SKAP1: variants seen among roughly 807,000 people sequenced by gnomAD.
SKAP1 encodes src kinase-associated phosphoprotein 1.
SKAP1 carries 44 observed loss-of-function variants against 58.5 expected under a neutral mutation model. The observed-to-expected ratio is 0.75, with a 90% confidence interval of 0.59 to 0.97. SKAP1 has a LOEUF of 0.97. Among genes scored for constraint, SKAP1 ranks in the 50% least tolerant of loss-of-function variants. SKAP1 has a pLI of 0.00. For missense variants in SKAP1, 390 were observed against 435.2 expected (o/e 0.90, Z 0.92); for synonymous variants, 127 against 149.7 (o/e 0.85, Z 1.11).
intron 4 of SKAP1, among the ~76,000 whole-genome samples, chr17:48,213,073 G>A (rs2064893564): frequency 6.6e-6 from 1 of 152,160 alleles, no homozygotes; most frequent in South Asian, 2.1e-4. Context: ...CGGGCTCAGT[G>A]GCTCATGCCT....
intron 1 of SKAP1, among the ~76,000 whole-genome samples, chr17:48,405,744 C>T (rs923982581): frequency 4.0e-5 from 6 of 151,566 alleles, no homozygotes; most frequent in Admixed American, 1.3e-4. Context: ...GTTATCCGTC[C>T]GTCTCGGTTT....
Position 48,418,608 on chromosome 17 carries a change from G to C in SKAP1, c.46+11467C>G, listed in dbSNP as rs576843113. On this transcript the variant is annotated intron_variant, in intron 1 of 12. Coordinates refer to ENST00000336915, the MANE Select transcript of SKAP1 (RefSeq NM_003726.4). The stretch of plus-strand genomic sequence containing the variant: ...TCCACTCCTAGATATATTTATCCAA[G>C]ATAAATGAGTGCTTATGTTCACAAA... Among the ~76,000 whole-genome samples the C allele has an allele frequency of 3.9e-5, 6 of 152,194 alleles. No homozygotes were observed. In the South Asian group the frequency reaches 1.2e-3, roughly 32 times the overall value.
intron 4 of SKAP1, among the ~76,000 whole-genome samples, chr17:48,338,444 G>A (rs1246551089): frequency 2.0e-5 from 3 of 152,084 alleles, no homozygotes; most frequent in South Asian, 2.1e-4. Context: ...GAGTCACCGC[G>A]CCTGACCACT....
At chr17:48,271,907 G>A (rs1027132172) in intron 4 of SKAP1, among the ~76,000 whole-genome samples, 6 of 151,772 alleles carry the variant, frequency 4.0e-5, no homozygotes, top group Non-Finnish European at 7.4e-5. Flanking sequence ...ATCAATTTAT[G>A]TTTTGACTTC....
At position 48,300,494 on chromosome 17, in the gene SKAP1, G is replaced by T. The variant is rs533195580; in HGVS notation, c.280+45411C>A. On this transcript the variant is annotated intron_variant, in intron 4 of 12. Transcript: ENST00000336915. Reference sequence around the variant, plus strand: ...GATACTTCTTCAGGACTGGGTCCTGGTGTCAAAGGGATAGACAGCTCAGTG... The same window carrying T: ...GATACTTCTTCAGGACTGGGTCCTGTTGTCAAAGGGATAGACAGCTCAGTG... Among the ~76,000 whole-genome samples the T allele has an allele frequency of 2.6e-5, 4 of 152,192 alleles. No homozygotes were observed. In the South Asian group the frequency reaches 8.3e-4, roughly 32 times the overall value.
chr17:48,400,187 C>T (rs1221409718), intron 1 of SKAP1, among the ~76,000 whole-genome samples: 2 of 151,012 alleles, frequency 1.3e-5, no homozygotes, highest in Non-Finnish European at 2.9e-5. Flanking sequence ...CAACCTCTGG[C>T]TCCTGGGTTC....
intron 4 of SKAP1, among the ~76,000 whole-genome samples, chr17:48,279,846 C>A (rs189398633): frequency 7.9e-5 from 12 of 152,288 alleles, no homozygotes; most frequent in Admixed American, 2.0e-4. Flanking sequence ...GGCCAGCTTC[C>A]ATTTTCCCTA....
intron 2 of SKAP1, among the ~76,000 whole-genome samples, chr17:48,380,991 A>G (rs376144361): frequency 6.6e-6 from 1 of 152,338 alleles, no homozygotes; most frequent in East Asian, 1.9e-4. Flanking sequence ...TTCCTTATTT[A>G]CAGTGCTTTG....
chr17:48,204,985 C>CTTTTCTTTTCT (rs1246678466), intron 4 of SKAP1, among the ~76,000 whole-genome samples: 22 of 53,386 alleles, frequency 4.1e-4, no homozygotes, highest in African/African-American at 1.5e-3. Context: ...TTCTTTCTTT[C>CTTTTCTTTTCT]TTTCTTTCTT....
intron 9 of SKAP1, among the ~76,000 whole-genome samples, chr17:48,178,351 T>G (rs2064319671): frequency 6.6e-6 from 1 of 152,004 alleles, no homozygotes; most frequent in Non-Finnish European, 1.5e-5. Flanking sequence ...CTTCCACAGT[T>G]GTAACCCAAA....
chr17:48,317,981 T>C (rs2066311136), intron 4 of SKAP1, among the ~76,000 whole-genome samples: 2 of 152,046 alleles, frequency 1.3e-5, no homozygotes, highest in Admixed American at 6.6e-5. Context: ...ATCAATAAAA[T>C]GAAAAGATTT....
chr17:48,360,069 T>C (rs997302212), intron 3 of SKAP1, among the ~76,000 whole-genome samples: 2 of 152,206 alleles, frequency 1.3e-5, no homozygotes, highest in Non-Finnish European at 2.9e-5. Context: ...ACTCAAAGAA[T>C]CTTTAAGTTG....
intron 4 of SKAP1, among the ~76,000 whole-genome samples, chr17:48,319,668 C>T (rs373068212): frequency 4.0e-4 from 61 of 152,216 alleles, no homozygotes; most frequent in African/African-American, 1.4e-3. Flanking sequence ...ATGGTGAAAC[C>T]CCATTTCTTC....
At chr17:48,324,038 T>C (rs7214589) in intron 4 of SKAP1, among the ~76,000 whole-genome samples, 50,999 of 151,902 alleles carry the variant, frequency 0.34, 9,446 homozygotes, top group African/African-American at 0.47. Context: ...CTAGCATGCT[T>C]ATTTGAAAAA....
chr17:48,430,675 G>A (rs1427328578), upstream of SKAP1, among the ~76,000 whole-genome samples: 1 of 152,210 alleles, frequency 6.6e-6, no homozygotes, highest in Non-Finnish European at 1.5e-5. Flanking sequence ...AAGCCACAAT[G>A]TTGAAAGGAA....
intron 4 of SKAP1, among the ~76,000 whole-genome samples, chr17:48,339,573 A>G (rs2066619588): frequency 6.6e-6 from 1 of 152,138 alleles, no homozygotes; most frequent in African/African-American, 2.4e-5. Context: ...AATACTATGT[A>G]TTATTGGTGC....
intron 2 of SKAP1, among the ~76,000 whole-genome samples, chr17:48,371,840 A>T (rs2067091670): frequency 6.6e-6 from 1 of 151,578 alleles, no homozygotes; most frequent in South Asian, 2.1e-4. Context: ...CTGTCTCAAA[A>T]AAAAAAAGAA....
intron 11 of SKAP1, among the ~76,000 whole-genome samples, chr17:48,154,516 T>C (rs2063946518): frequency 6.6e-6 from 1 of 152,110 alleles, no homozygotes; most frequent in Admixed American, 6.5e-5. Context: ...TCCATGGAAA[T>C]AAGGCACTGG....
chr17:48,147,914 G>T (rs2063851296), intron 11 of SKAP1, among the ~76,000 whole-genome samples: 2 of 150,084 alleles, frequency 1.3e-5, no homozygotes, highest in Non-Finnish European at 3.0e-5. Flanking sequence ...ACAGGGGAAA[G>T]TATGCAAGTG....
Sources: gnomAD v4.1 joint callset for allele counts (sites outside exome capture counted in the v4.1 genomes callset) on GRCh38, gnomAD v4.1.1 for gene constraint, MANE v1.5 for transcripts, NCBI Gene and HGNC (gene_info 2026-07-23, HGNC 2026-07-21) for gene names.